Variants in OCA2 observed in about 807,000 individuals in gnomAD.
OCA2 encodes the protein P protein.
In OCA2, 77 loss-of-function variants were observed where a neutral mutation model predicts 100.2. The observed-to-expected ratio is 0.77, with a 90% CI of 0.64 to 0.93. The LOEUF (loss-of-function observed/expected upper bound fraction) is 0.93, where lower values mean the gene tolerates loss of function less well. Among genes scored for constraint, OCA2 ranks in the 40% least tolerant of loss-of-function variants. The pLI is 0.00. For missense variants in OCA2, 1,062 were observed against 1,089.1 expected, an observed-to-expected ratio of 0.98 and a Z score of 0.35; for synonymous variants, 432 against 439.2, an observed-to-expected ratio of 0.98 and a Z score of 0.21.
At chr15:28,090,432 T>G (rs1045757311) in intron 1 of OCA2, among the ~76,000 whole-genome samples, 1 of 152,164 alleles carries the variant, frequency 6.6e-6, no homozygotes, top group African/African-American at 2.4e-5. Context: ...TACACCAAGA[T>G]AGACTACACT....
intron 2 of OCA2, among the ~76,000 whole-genome samples, chr15:28,072,483 G>A (rs1221716768): frequency 2.6e-5 from 4 of 151,584 alleles, no homozygotes; most frequent in East Asian, 1.9e-4. Context: ...CCAGCTACTC[G>A]GAAGGCTGAG....
chr15:27,751,548 G>A (rs146975810), downstream of OCA2, among the ~76,000 whole-genome samples: 205 of 152,274 alleles, frequency 1.3e-3, 4 homozygotes, highest in East Asian at 0.027. Flanking sequence ...TATTGGATTC[G>A]CTGCTCTGAC....
chr15:27,802,757 T>C (rs2033666458), intron 23 of OCA2, among the ~76,000 whole-genome samples: 1 of 152,140 alleles, frequency 6.6e-6, no homozygotes, highest in Non-Finnish European at 1.5e-5. Context: ...TCACAGCATA[T>C]ACAAAAGTTA....
chr15:27,756,506 G>T (rs2030381056), intron 23 of OCA2, among the ~76,000 whole-genome samples: 1 of 152,188 alleles, frequency 6.6e-6, no homozygotes, highest in South Asian at 2.1e-4. Context: ...AAGAAACACA[G>T]AACATATTTT....
At chr15:27,753,500 G>A (rs1399363053), downstream of OCA2, among the ~76,000 whole-genome samples, 18 of 152,180 alleles carry the variant, frequency 1.2e-4, no homozygotes, top group Admixed American at 7.2e-4. Flanking sequence ...TTGGGAGGCC[G>A]AGTCGGGTGG....
At chr15:28,028,958 T>C (rs953310801) in intron 3 of OCA2, among the ~76,000 whole-genome samples, 2 of 152,180 alleles carry the variant, frequency 1.3e-5, no homozygotes, top group Non-Finnish European at 2.9e-5. Context: ...AGTGCTGGGA[T>C]TACAGTCATG....
chr15:27,958,431 A>C (rs2040302395), intron 15 of OCA2, among the ~76,000 whole-genome samples: 1 of 152,216 alleles, frequency 6.6e-6, no homozygotes, highest in Non-Finnish European at 1.5e-5. Context: ...TCTCAGGAGA[A>C]GGTGCTCAGC....
At chr15:27,913,405 A>G (rs1278221380) in intron 19 of OCA2, among the ~76,000 whole-genome samples, 1 of 152,098 alleles carries the variant, frequency 6.6e-6, no homozygotes, top group Non-Finnish European at 1.5e-5. Context: ...GAAAGATTAG[A>G]TATATCAAAT....
chr15:27,816,219 A>C (rs1595458265), intron 23 of OCA2, among the ~76,000 whole-genome samples: 1 of 152,334 alleles, frequency 6.6e-6, no homozygotes, highest in East Asian at 1.9e-4. Context: ...CTTACATTAG[A>C]AGAAGGAGGG....
At chr15:28,065,021 T>C (rs1442560055) in intron 2 of OCA2, among the ~76,000 whole-genome samples, 1 of 152,158 alleles carries the variant, frequency 6.6e-6, no homozygotes, top group African/African-American at 2.4e-5. Context: ...CCTAACATCA[T>C]GTTCAGCTAA....
intron 15 of OCA2, among the ~76,000 whole-genome samples, chr15:27,963,639 G>A (rs2040475076): frequency 6.6e-6 from 1 of 151,968 alleles, no homozygotes; most frequent in Non-Finnish European, 1.5e-5. Flanking sequence ...GAAATTTAGA[G>A]CACTAAAGGC....
the OCA2 span, among the ~76,000 whole-genome samples, chr15:27,727,852 A>G: frequency 6.6e-6 from 1 of 152,194 alleles, no homozygotes; most frequent in African/African-American, 2.4e-5. Context: ...CCAAACGGAG[A>G]GTGTCCTCCC....
At chr15:28,054,558 T>G (rs371903052) in intron 2 of OCA2, among the ~76,000 whole-genome samples, 21 of 152,264 alleles carry the variant, frequency 1.4e-4, no homozygotes, top group African/African-American at 4.6e-4. Context: ...ATACATCACG[T>G]TTCATGAAGA....
At chr15:28,081,540 G>C in intron 2 of OCA2, 108 bp downstream of exon 2, 3 of 1,075,134 alleles carry the variant, frequency 2.8e-6, no homozygotes, top group Non-Finnish European at 4.2e-6. Context: ...AAAAATTCTT[G>C]CAAAATTTCT....
chr15:28,089,194 A>T (rs1034359120), intron 1 of OCA2, among the ~76,000 whole-genome samples: 2 of 152,184 alleles, frequency 1.3e-5, no homozygotes, highest in East Asian at 3.8e-4. Context: ...CTCCCTGAAC[A>T]TTGCTGTTAT....
At chr15:28,058,733 A>C (rs1171780633) in intron 2 of OCA2, among the ~76,000 whole-genome samples, 1 of 152,196 alleles carries the variant, frequency 6.6e-6, no homozygotes, top group Non-Finnish European at 1.5e-5. Context: ...CTTAACAGAA[A>C]ATTGTCACTA....
At chr15:27,876,663 TG>T (rs1239405935) in intron 19 of OCA2, among the ~76,000 whole-genome samples, 2 of 152,036 alleles carry the variant, frequency 1.3e-5, no homozygotes, top group African/African-American at 4.8e-5. Flanking sequence ...GAGTCTATTT[TG>T]GTAAGTTGTA....
chr15:27,788,247 G>A (rs7184018), intron 23 of OCA2, among the ~76,000 whole-genome samples: 11 of 151,702 alleles, frequency 7.3e-5, no homozygotes, highest in South Asian at 2.1e-4. Context: ...AAGTAATTGC[G>A]AGTATTACTC....
chr15:27,967,625 G>A (rs188678830), intron 14 of OCA2, among the ~76,000 whole-genome samples: 9 of 152,362 alleles, frequency 5.9e-5, no homozygotes, highest in Middle Eastern at 3.4e-3. Flanking sequence ...ACAGCCCTTT[G>A]CAGGGCACTC....
Sources: allele counts gnomAD v4.1 joint callset (sites outside exome capture counted in the v4.1 genomes callset), GRCh38; gene constraint gnomAD v4.1.1; transcripts MANE v1.5; gene names NCBI Gene and HGNC (gene_info 2026-07-23, HGNC 2026-07-21).